The following CFAP61 variants were observed in gnomAD, a reference collection of about 807,000 sequenced individuals.
CFAP61 encodes cilia and flagella associated protein 61.
A neutral mutation model predicts 135.6 loss-of-function variants in CFAP61; 107 were observed. The observed-to-expected ratio is 0.79, with a 90% confidence interval of 0.67 to 0.93. CFAP61 has a LOEUF of 0.93. Ranked by LOEUF, CFAP61 falls within the 40% of genes least tolerant of loss-of-function variation. The pLI is 0.00. For synonymous variants in CFAP61, 575 were observed against 578.5 expected, an observed-to-expected ratio of 0.99 and a Z score of 0.09; for missense variants, 1,507 against 1,556.2, an observed-to-expected ratio of 0.97 and a Z score of 0.53.
At chr20:20,198,982 A>G (rs1247836909) in intron 16 of CFAP61, among the ~76,000 whole-genome samples, 2 of 152,192 alleles carry the variant, frequency 1.3e-5, no homozygotes, top group Non-Finnish European at 1.5e-5. Flanking sequence ...TCCTTAGTTC[A>G]TTTCACCAAA....
intron 25 of CFAP61, among the ~76,000 whole-genome samples, chr20:20,333,899 C>T (rs374910838): frequency 9.2e-5 from 14 of 152,294 alleles, no homozygotes; most frequent in African/African-American, 3.1e-4. Context: ...CTCCCTCCCT[C>T]GTCAGGGGAG....
intron 9 of CFAP61, among the ~76,000 whole-genome samples, chr20:20,145,077 G>A (rs1384285209): frequency 6.6e-6 from 1 of 152,122 alleles, no homozygotes; most frequent in African/African-American, 2.4e-5. Flanking sequence ...TGGAAATTTG[G>A]CTCTACACAA....
At chr20:20,318,298 C>A (rs911655266) in intron 25 of CFAP61, among the ~76,000 whole-genome samples, 1 of 152,150 alleles carries the variant, frequency 6.6e-6, no homozygotes, top group Non-Finnish European at 1.5e-5. Context: ...AGGAAGAGAT[C>A]TGAAGCAGAG....
At chr20:20,196,858 C>T in intron 16 of CFAP61, 82 bp downstream of exon 16, 1 of 1,190,730 alleles carries the variant, frequency 8.4e-7, no homozygotes, top group Non-Finnish European at 1.2e-6. Flanking sequence ...TCTATTCATT[C>T]CTCTCATGAT....
At chr20:20,142,832 CATT>C (rs1568994257) in intron 8 of CFAP61, 22 bp from the exon 9 acceptor site, 1 of 1,359,840 alleles carries the variant, frequency 7.4e-7, no homozygotes, top group Admixed American at 1.8e-5. Flanking sequence ...TATTTTCTGT[CATT>C]ATTCTATCCC....
intron 6 of CFAP61, among the ~76,000 whole-genome samples, chr20:20,080,074 C>T (rs564374913): frequency 6.6e-6 from 1 of 152,194 alleles, no homozygotes; most frequent in East Asian, 1.9e-4. Flanking sequence ...TAAAATCTCT[C>T]ATTTTTTATG....
At chr20:20,060,444 G>C (rs943345409) in intron 2 of CFAP61, among the ~76,000 whole-genome samples, 23 of 152,144 alleles carry the variant, frequency 1.5e-4, no homozygotes, top group African/African-American at 5.6e-4. Flanking sequence ...AGTATGACTT[G>C]CATAAAACAA....
chr20:20,237,007 G>C (rs550822939), intron 18 of CFAP61, among the ~76,000 whole-genome samples: 1 of 152,146 alleles, frequency 6.6e-6, no homozygotes, highest in South Asian at 2.1e-4. Flanking sequence ...AATTATAAAG[G>C]AAAGCTCAAT....
intron 18 of CFAP61, among the ~76,000 whole-genome samples, chr20:20,229,939 C>T (rs969294059): frequency 5.3e-5 from 8 of 152,184 alleles, no homozygotes; most frequent in African/African-American, 1.7e-4. Flanking sequence ...TGATGGGTCT[C>T]TTCCTCGAAA....
At chr20:20,334,274 G>T (rs1440524534) in intron 25 of CFAP61, among the ~76,000 whole-genome samples, 1 of 152,142 alleles carries the variant, frequency 6.6e-6, no homozygotes, top group African/African-American at 2.4e-5. Context: ...CTACAGGCAT[G>T]CACCACCACA....
chr20:20,207,487 G>A (rs1310186771), intron 17 of CFAP61, among the ~76,000 whole-genome samples: 1 of 152,224 alleles, frequency 6.6e-6, no homozygotes, highest in Non-Finnish European at 1.5e-5. Context: ...AGCTCTGGAA[G>A]CCTGCAGCCT....
intron 24 of CFAP61, among the ~76,000 whole-genome samples, chr20:20,296,874 G>A (rs1250351972): frequency 3.3e-5 from 5 of 151,772 alleles, no homozygotes; most frequent in Non-Finnish European, 7.4e-5. Flanking sequence ...ATTGTCGGTG[G>A]GCCATTGTTT....
At chr20:20,195,696 A>C (rs1198169507) in intron 15 of CFAP61, among the ~76,000 whole-genome samples, 1 of 152,168 alleles carries the variant, frequency 6.6e-6, no homozygotes, top group Non-Finnish European at 1.5e-5. Flanking sequence ...ATTACACATC[A>C]AGGGGGATAG....
chr20:20,127,834 A>G (rs1483170364), intron 8 of CFAP61, among the ~76,000 whole-genome samples: 1 of 151,426 alleles, frequency 6.6e-6, no homozygotes, highest in Non-Finnish European at 1.5e-5. Context: ...GGCATGTCTG[A>G]GCTCAGACTG....
At chr20:20,090,493 C>T (rs1021054211) in intron 6 of CFAP61, among the ~76,000 whole-genome samples, 1 of 152,006 alleles carries the variant, frequency 6.6e-6, no homozygotes, top group East Asian at 1.9e-4. Flanking sequence ...AGATAGAAAC[C>T]ATCCTGGCCA....
intron 2 of CFAP61, among the ~76,000 whole-genome samples, chr20:20,058,146 TG>T (rs1686835880): frequency 6.6e-6 from 1 of 152,248 alleles, no homozygotes; most frequent in Non-Finnish European, 1.5e-5. Flanking sequence ...CATTAAAGTT[TG>T]TAGTTTCTAA....
At chr20:20,330,033 C>T (rs775696025) in intron 25 of CFAP61, among the ~76,000 whole-genome samples, 7 of 152,198 alleles carry the variant, frequency 4.6e-5, no homozygotes, top group African/African-American at 9.7e-5. Context: ...TCACAGGAGG[C>T]GGTCAACAGA....
At chr20:20,228,496 C>G in intron 18 of CFAP61, 120 bp downstream of exon 18, 4 of 770,856 alleles carry the variant, frequency 5.2e-6, no homozygotes, top group Non-Finnish European at 8.4e-6. Context: ...ACACACCCTG[C>G]CTATGTGGAT....
In CFAP61 at chr20:20,298,184, T is replaced by A; in HGVS notation, c.3220T>A (p.Leu1074Ile). The part of the protein sequence containing the change: ...EVQMAQPNYG[L>I]ELVTGSAKNG... ...CTTGTCCACATCCCTCCTCCAGGGTTTAGAACTAGTAACCGGCAGTGCGAA... is the reference window on the plus strand; with the variant it reads ...CTTGTCCACATCCCTCCTCCAGGGTATAGAACTAGTAACCGGCAGTGCGAA... Residue 1074 changes from leucine (L) to isoleucine (I), a missense_variant, in exon 25 of 27, where the codon TTA (leucine) becomes ATA (isoleucine). Physicochemically the swap from Leu to Ile is conservative, Grantham distance 5 (BLOSUM62 2). Coordinates refer to ENST00000245957, the MANE Select transcript of CFAP61 (RefSeq NM_015585.4). 6.2e-7 allele frequency: 1 copy of A among 1,611,760 alleles called. No individual in the cohort carries two copies. The highest frequency in any genetic ancestry group is 8.5e-7 in the Non-Finnish European group (1 of 1,177,854).
Sources: allele counts gnomAD v4.1 joint callset (sites outside exome capture counted in the v4.1 genomes callset), GRCh38; gene constraint gnomAD v4.1.1; transcripts MANE v1.5; gene names NCBI Gene and HGNC (gene_info 2026-07-23, HGNC 2026-07-21).